The following IMMP2L variants were observed in gnomAD, a reference collection of about 807,000 sequenced individuals.
The protein encoded by IMMP2L is inner mitochondrial membrane peptidase subunit 2.
In IMMP2L, 18 loss-of-function variants were observed where a neutral mutation model predicts 19.3. That is an observed-to-expected ratio of 0.93 (90% CI 0.64 to 1.38). IMMP2L has a LOEUF of 1.38. IMMP2L is among the 40% of genes most tolerant of loss of function. The pLI is 0.00. For missense variants in IMMP2L, 233 were observed against 218.2 expected, an observed-to-expected ratio of 1.07 and a Z score of -0.43; for synonymous variants, 76 against 73.0, an observed-to-expected ratio of 1.04 and a Z score of -0.21.
intron 3 of IMMP2L, among the ~76,000 whole-genome samples, chr7:111,269,173 G>C (rs1208260801): frequency 3.9e-5 from 6 of 152,090 alleles, no homozygotes; most frequent in Non-Finnish European, 7.3e-5. Flanking sequence ...AGGCTTCACT[G>C]TAAAATTTTT....
chr7:110,695,057 G>A lies in IMMP2L; in HGVS notation c.409-31336C>T, dbSNP rs73435317. ...TACATTGGTCATTGCCAGGGGGTGT[G>A]AGGATAGGGAAATGGGGAGTAATTT... On this transcript the variant is annotated intron_variant, in intron 5 of 5. Transcript: ENST00000405709. Among the ~76,000 whole-genome samples, 1,413 of 152,274 alleles carry A rather than the reference G, an allele frequency of 9.3e-3. 25 individuals carry two copies. Among genetic ancestry groups the A allele is most frequent in the African/African-American group, 0.031 (1,307 of 41,550 alleles).
intron 3 of IMMP2L, among the ~76,000 whole-genome samples, chr7:111,132,287 T>C (rs1289958463): frequency 1.3e-5 from 2 of 152,028 alleles, no homozygotes; most frequent in East Asian, 3.8e-4. Context: ...ATTATTTCCA[T>C]GCATCTACTT....
intron 2 of IMMP2L, among the ~76,000 whole-genome samples, chr7:111,490,558 G>A (rs922289902): frequency 2.6e-5 from 4 of 151,688 alleles, no homozygotes; most frequent in Admixed American, 1.3e-4. Context: ...CTTCTGGCAC[G>A]TTTTCTTTCC....
chr7:111,488,603 A>G (rs1466318506), intron 2 of IMMP2L, among the ~76,000 whole-genome samples: 9 of 152,054 alleles, frequency 5.9e-5, no homozygotes, highest in Non-Finnish European at 1.3e-4. Flanking sequence ...CTGGTTCCAT[A>G]TTTTTGCAAC....
intron 4 of IMMP2L, among the ~76,000 whole-genome samples, chr7:110,950,852 A>ATATATT (rs1817737134): frequency 8.0e-6 from 1 of 124,828 alleles, no homozygotes; most frequent in Non-Finnish European, 1.6e-5. Flanking sequence ...ATATATATAT[A>ATATATT]TATATATATA....
intron 4 of IMMP2L, among the ~76,000 whole-genome samples, chr7:110,926,497 T>C (rs1814867698): frequency 6.6e-6 from 1 of 152,138 alleles, no homozygotes; most frequent in Non-Finnish European, 1.5e-5. Flanking sequence ...TCATTATTCT[T>C]GTCAAGAAAT....
Position 111,395,099 on chromosome 7 carries a change from T to C in IMMP2L, c.239+92139A>G, listed in dbSNP as rs142689114. 39 of 166,492 alleles carry C rather than the reference T, an allele frequency of 2.3e-4. 1 individual carries two copies. In the East Asian group the frequency reaches 6.2e-3, roughly 27 times the overall value. The allele number at this position is 166,492 out of a possible 1,614,324, so 10.3% of individuals were successfully genotyped here. On this transcript the variant is annotated intron_variant, in intron 3 of 5. Coordinates refer to ENST00000405709, the MANE Select transcript of IMMP2L (RefSeq NM_032549.4). ...GTGAACATGAGAGTGGCCAAACATATAGCGCAGCAGGAAGCAGAGGGCAGC... is the reference window on the plus strand; with the variant it reads ...GTGAACATGAGAGTGGCCAAACATACAGCGCAGCAGGAAGCAGAGGGCAGC...
intron 3 of IMMP2L, among the ~76,000 whole-genome samples, chr7:111,429,670 T>A (rs1836436976): frequency 6.6e-6 from 1 of 151,904 alleles, no homozygotes; most frequent in Non-Finnish European, 1.5e-5. Flanking sequence ...GAGCTCCAAC[T>A]CAGATAAAAT....
At chr7:110,794,085 T>A (rs1420745656) in intron 5 of IMMP2L, among the ~76,000 whole-genome samples, 1 of 152,078 alleles carries the variant, frequency 6.6e-6, no homozygotes, top group East Asian at 1.9e-4. Context: ...TGGAAGACAA[T>A]TTGGCAGTTT....
intron 3 of IMMP2L, among the ~76,000 whole-genome samples, chr7:111,381,118 A>T (rs571818216): frequency 6.6e-6 from 1 of 152,132 alleles, no homozygotes; most frequent in African/African-American, 2.4e-5. Context: ...TTAACCCAGC[A>T]TATTTCTAGG....
intron 3 of IMMP2L, among the ~76,000 whole-genome samples, chr7:111,100,453 A>G (rs1797853059): frequency 6.8e-6 from 1 of 148,044 alleles, no homozygotes; most frequent in Non-Finnish European, 1.5e-5. Flanking sequence ...ATATATTAAA[A>G]TATTTATAAC....
At chr7:111,163,966 C>T (rs183469099) in intron 3 of IMMP2L, among the ~76,000 whole-genome samples, 1 of 151,840 alleles carries the variant, frequency 6.6e-6, no homozygotes, top group Non-Finnish European at 1.5e-5. Context: ...AGCTATAGCA[C>T]AAAAGATCTG....
intron 5 of IMMP2L, among the ~76,000 whole-genome samples, chr7:110,799,584 A>T (rs934035035): frequency 3.3e-5 from 5 of 152,052 alleles, no homozygotes; most frequent in African/African-American, 1.2e-4. Context: ...TTGCCCAAAT[A>T]CTTTAGTAAA....
intron 3 of IMMP2L, among the ~76,000 whole-genome samples, chr7:111,261,352 G>T (rs1035817142): frequency 6.6e-6 from 1 of 152,040 alleles, no homozygotes; most frequent in Non-Finnish European, 1.5e-5. Flanking sequence ...TGTTCTTTGT[G>T]TATAGTACAA....
chr7:111,422,188 G>A (rs888138428), intron 3 of IMMP2L, among the ~76,000 whole-genome samples: 3 of 151,826 alleles, frequency 2.0e-5, no homozygotes, highest in East Asian at 3.9e-4. Context: ...TTTGGCTTAG[G>A]AGTGTCTTGG....
At chr7:110,852,559 CATT>C (rs1467897805) in intron 5 of IMMP2L, among the ~76,000 whole-genome samples, 3 of 151,984 alleles carry the variant, frequency 2.0e-5, no homozygotes, top group Non-Finnish European at 4.4e-5. Context: ...GAAAGAGAAA[CATT>C]ATCTTCATTC....
intron 3 of IMMP2L, among the ~76,000 whole-genome samples, chr7:111,327,778 A>T (rs1412962029): frequency 6.6e-6 from 1 of 151,630 alleles, no homozygotes; most frequent in Non-Finnish European, 1.5e-5. Flanking sequence ...AAAGAAAGAG[A>T]GCCATAAATT....
intron 3 of IMMP2L, among the ~76,000 whole-genome samples, chr7:111,204,369 A>G (rs897819972): frequency 1.3e-5 from 2 of 152,184 alleles, no homozygotes; most frequent in Non-Finnish European, 2.9e-5. Context: ...AGTTTATAAT[A>G]AAACCTAGAG....
chr7:110,901,658 A>T (rs1182355927), intron 4 of IMMP2L, among the ~76,000 whole-genome samples: 1 of 152,192 alleles, frequency 6.6e-6, no homozygotes, highest in East Asian at 1.9e-4. Context: ...ACATTTTTAG[A>T]AAAAGTGGAA....
Sources: allele counts gnomAD v4.1 joint callset (sites outside exome capture counted in the v4.1 genomes callset), GRCh38; gene constraint gnomAD v4.1.1; transcripts MANE v1.5; gene names NCBI Gene and HGNC (gene_info 2026-07-23, HGNC 2026-07-21).